The following PRH1 variants were observed in gnomAD, a reference collection of about 807,000 sequenced individuals.
The protein encoded by PRH1 is salivary acidic proline-rich phosphoprotein 1/2.
In PRH1, 7 loss-of-function variants were observed where a neutral mutation model predicts 7.9. That is an observed-to-expected ratio of 0.89 (90% CI 0.50 to 1.67). The LOEUF (loss-of-function observed/expected upper bound fraction) is 1.67, where lower values mean the gene tolerates loss of function less well. PRH1 is among the 40% of genes most tolerant of loss of function. The pLI is 0.00. For synonymous variants in PRH1, 45 were observed against 80.8 expected (o/e 0.56, Z 2.38); for missense variants, 109 against 223.6 (o/e 0.49, Z 3.27).
At chr12:10,938,559 T>C (rs1950331568) in intron 2 of PRH1, 2 of 1,614,042 alleles carry the variant, frequency 1.2e-6, no homozygotes, top group Middle Eastern at 1.7e-4. Flanking sequence ...CCGGATATTT[T>C]GACAGTGTGC....
chr12:10,948,024 T>C (rs549363454), intron 2 of PRH1, among the ~76,000 whole-genome samples: 1 of 152,348 alleles, frequency 6.6e-6, no homozygotes, highest in East Asian at 1.9e-4. Context: ...AATCCCTTTG[T>C]ACGTGACCTG....
At chr12:11,038,694 T>C (rs1187670709) in intron 1 of PRH1, among the ~76,000 whole-genome samples, 7 of 152,256 alleles carry the variant, frequency 4.6e-5, no homozygotes, top group Admixed American at 2.0e-4. Context: ...GGAGGACTGA[T>C]AGACATTTGG....
chr12:10,962,749 G>A (rs921477855), intron 2 of PRH1, among the ~76,000 whole-genome samples: 1 of 152,186 alleles, frequency 6.6e-6, no homozygotes, highest in South Asian at 2.1e-4. Context: ...CAATAAGCAA[G>A]GTCTGCAGGA....
intron 2 of PRH1, among the ~76,000 whole-genome samples, chr12:10,897,802 C>A (rs1949669902): frequency 6.6e-6 from 1 of 152,056 alleles, no homozygotes. Context: ...GGGAAACTGC[C>A]CCCCATAATC....
At chr12:11,031,666 C>G (rs1177837556) in intron 1 of PRH1, among the ~76,000 whole-genome samples, 4 of 152,132 alleles carry the variant, frequency 2.6e-5, no homozygotes, top group Non-Finnish European at 4.4e-5. Flanking sequence ...TCCTCCCTGC[C>G]ATTGGCTACT....
chr12:10,909,246 A>G, intron 2 of PRH1: 2 of 1,613,760 alleles, frequency 1.2e-6, no homozygotes, highest in Non-Finnish European at 1.7e-6. Flanking sequence ...ATTCCCAATT[A>G]TGAATTCTGC....
At chr12:10,992,323 CT>C (rs1319722415) in intron 1 of PRH1, among the ~76,000 whole-genome samples, 1 of 149,706 alleles carries the variant, frequency 6.7e-6, no homozygotes, top group African/African-American at 2.4e-5. Flanking sequence ...GGGGCCTGAA[CT>C]AACACTAATA....
intron 2 of PRH1, among the ~76,000 whole-genome samples, chr12:10,925,372 C>T (rs913449690): frequency 1.2e-4 from 19 of 152,322 alleles, no homozygotes; most frequent in African/African-American, 3.1e-4. Context: ...ATACACAAAT[C>T]TCAGGCCAGT....
At chr12:10,972,223 C>T (rs993743217) in intron 2 of PRH1, among the ~76,000 whole-genome samples, 1 of 152,076 alleles carries the variant, frequency 6.6e-6, no homozygotes, top group Admixed American at 6.6e-5. Context: ...TAGTAAACTT[C>T]CCATGAACTG....
At chr12:11,092,714 C>A (rs1944968517) in intron 1 of PRH1, among the ~76,000 whole-genome samples, 1 of 115,612 alleles carries the variant, frequency 8.6e-6, no homozygotes, top group South Asian at 2.4e-4. Context: ...GAAACGTTCT[C>A]CAAGTCCCCA....
At chr12:11,117,823 C>T (rs939699533), downstream of PRH1, among the ~76,000 whole-genome samples, 2 of 152,138 alleles carry the variant, frequency 1.3e-5, no homozygotes, top group African/African-American at 4.8e-5. Flanking sequence ...TGGAAAAAGA[C>T]AGTCTCTTCA....
chr12:10,978,010 T>C (rs1939183867), intron 1 of PRH1, among the ~76,000 whole-genome samples: 1 of 151,912 alleles, frequency 6.6e-6, no homozygotes, highest in African/African-American at 2.4e-5. Context: ...TTCAGTGCTA[T>C]TTCTGACAAA....
chr12:10,902,610 G>T (rs1470691982), intron 2 of PRH1, among the ~76,000 whole-genome samples: 1 of 152,040 alleles, frequency 6.6e-6, no homozygotes, highest in African/African-American at 2.4e-5. Flanking sequence ...AAATCTTAAA[G>T]GCAGCTAGAG....
intron 2 of PRH1, among the ~76,000 whole-genome samples, chr12:10,946,098 T>C (rs1950482575): frequency 6.6e-6 from 1 of 152,152 alleles, no homozygotes; most frequent in Non-Finnish European, 1.5e-5. Context: ...TGAGGCAACA[T>C]ACATCCTCCT....
At chr12:11,057,896 A>T (rs1320606185) in intron 1 of PRH1, among the ~76,000 whole-genome samples, 1 of 152,264 alleles carries the variant, frequency 6.6e-6, no homozygotes, top group Non-Finnish European at 1.5e-5. Flanking sequence ...GGACTATGTC[A>T]CTTCTGTTCT....
chr12:11,122,747 GTAA>G lies in PRH1; in HGVS notation n.40-1570_40-1568del, dbSNP rs575867087. 3.3e-5 allele frequency among the ~76,000 whole-genome samples: 5 copies of G among 152,298 alleles called. No homozygotes were observed. The South Asian group carries it at 1.0e-3, about 32-fold the overall frequency. ...TTCCCTTCAGTATATAATGAGCAGG[GTAA>G]TAATAATTTTCATGGAAAATTTCTC... On this transcript the variant is annotated intron_variant and non_coding_transcript_variant, in intron 1 of 1. Transcript: ENST00000541175.
At chr12:10,977,310 G>A (rs557145399) in intron 1 of PRH1, among the ~76,000 whole-genome samples, 4 of 152,012 alleles carry the variant, frequency 2.6e-5, no homozygotes, top group African/African-American at 7.2e-5. Flanking sequence ...ACTAATTAAC[G>A]AAAATCGCAT....
At chr12:10,905,751 A>C (rs549239558) in intron 2 of PRH1, among the ~76,000 whole-genome samples, 19 of 152,294 alleles carry the variant, frequency 1.2e-4, no homozygotes, top group Non-Finnish European at 2.5e-4. Context: ...AAATGAAATC[A>C]TGTCCTTTGC....
exon 1 of PRH1, chr12:11,047,032 G>C (rs1288634141): frequency 3.9e-6 from 2 of 509,780 alleles, no homozygotes; most frequent in Non-Finnish European, 8.1e-6. Flanking sequence ...CATATGGATA[G>C]ATGGAGTCTA....
Sources: allele counts gnomAD v4.1 joint callset (sites outside exome capture counted in the v4.1 genomes callset), GRCh38; gene constraint gnomAD v4.1.1; transcripts MANE v1.5; gene names NCBI Gene and HGNC (gene_info 2026-07-23, HGNC 2026-07-21).